SPG21: variants seen among roughly 807,000 people sequenced by gnomAD.
The protein encoded by SPG21 is maspardin.
SPG21 carries 26 observed loss-of-function variants against 38.9 expected under a neutral mutation model. That is an observed-to-expected ratio of 0.67 (90% CI 0.49 to 0.93). The LOEUF (loss-of-function observed/expected upper bound fraction) is 0.93. Among genes scored for constraint, SPG21 ranks in the 40% least tolerant of loss-of-function variants. SPG21 has a pLI of 0.00. For synonymous variants in SPG21, 136 were observed against 128.9 expected (o/e 1.05, Z -0.37); for missense variants, 333 against 376.5 (o/e 0.88, Z 0.96).
Position 64,969,311 on chromosome 15 carries a change from G to T in SPG21, c.613C>A (p.Gln205Lys). 1.2e-6 allele frequency: 2 copies of T among 1,614,092 alleles called. No individual in the cohort carries two copies. Among genetic ancestry groups the T allele is most frequent in the South Asian group, 1.1e-5 (1 of 91,076 alleles). Residue 205 changes from glutamine to lysine, a missense_variant, in exon 7 of 9, where the codon CAA becomes AAA. Transcript: ENST00000204566. ...TTATGAGGTTCCACATAAGAATTTT[G>T]ACAATTCAAGGTAAGTCTTGAAGCC... is the stretch of plus-strand genomic sequence containing the variant. ...ELASRLTLNC[Q>K]NSYVEPHKIR... is the part of the protein sequence containing the mutation.
intron 5 of SPG21, among the ~76,000 whole-genome samples, chr15:64,973,385 A>G (rs528512789): frequency 4.6e-5 from 7 of 152,304 alleles, no homozygotes; most frequent in Admixed American, 3.9e-4. Flanking sequence ...AAAATCAATG[A>G]AAGGATGGCT....
intron 1 of SPG21, chr15:64,989,168 C>G (rs183777540): frequency 6.6e-6 from 1 of 152,222 alleles, no homozygotes; most frequent in African/African-American, 2.4e-5. Flanking sequence ...CGTTTACAAA[C>G]CTTACACCTG....
intron 5 of SPG21, among the ~76,000 whole-genome samples, 156 bp downstream of exon 5, chr15:64,974,446 G>T (rs2085735395): frequency 6.6e-6 from 1 of 152,132 alleles, no homozygotes; most frequent in Non-Finnish European, 1.5e-5. Context: ...CTGCACTTCA[G>T]CCTGGGTGAC....
rs1270428899 is a variant in SPG21, at chr15:64,969,199, C to G, written c.669+56G>C. On this transcript the variant is annotated intron_variant, in intron 7 of 8. Transcript: ENST00000204566. ...GTTATCAAATAGTTTTATAGGAGAT[C>G]TTGACATACACATTTTAAAAAGTAA... 6.7e-6 allele frequency: 8 copies of G among 1,195,962 alleles called. No homozygotes were observed. The African/African-American group carries it at 1.2e-4, about 18-fold the overall frequency. The allele number at this position is 1,195,962 out of a possible 1,614,324, so 74.1% of individuals were successfully genotyped here. A position where few individuals can be genotyped will look rare whatever the true frequency, so the allele number is the denominator to read the frequency against.
At chr15:64,983,742 A>G in intron 1 of SPG21, 149 bp from the exon 2 acceptor site, 1 of 597,656 alleles carries the variant, frequency 1.7e-6, no homozygotes, top group Non-Finnish European at 3.0e-6. Context: ...CAACTACAGA[A>G]AACAATTTGG....
At chr15:64,969,189 T>C (rs2085609517) in intron 7 of SPG21, 66 bp downstream of exon 7, 2 of 1,123,090 alleles carry the variant, frequency 1.8e-6, no homozygotes, top group Non-Finnish European at 2.7e-6. Flanking sequence ...CAAATAGTTT[T>C]ATAGGAGATC....
chr15:64,963,802 G>T, intron 8 of SPG21, 66 bp from the exon 9 acceptor site: 1 of 1,452,454 alleles, frequency 6.9e-7, no homozygotes, highest in Non-Finnish European at 9.6e-7. Flanking sequence ...TGTTGCCCAG[G>T]CTGGAGTGCA....
rs1301360986 is a variant in SPG21, at chr15:64,974,511, A to T, written c.452+91T>A. 4.1e-6 allele frequency: 6 copies of T among 1,454,308 alleles called. No homozygotes were observed. In the East Asian group the frequency reaches 1.2e-4, roughly 28 times the overall value. The allele number at this position is 1,454,308 out of a possible 1,614,324, so 90.1% of individuals were successfully genotyped here. A position where few individuals can be genotyped will look rare whatever the true frequency, so the allele number is the denominator to read the frequency against. ...CAAGGAAGTTGCAGAATATAGAAGT[A>T]GATATAAGTCTTCCCTTCCTAATGT... On this transcript the variant is annotated intron_variant, in intron 5 of 8. Coordinates refer to ENST00000204566, the MANE Select transcript of SPG21 (RefSeq NM_016630.7).
At chr15:64,969,186 T>G in intron 7 of SPG21, 69 bp downstream of exon 7, 1 of 1,112,186 alleles carries the variant, frequency 9.0e-7, no homozygotes, top group Non-Finnish European at 1.4e-6. Context: ...TATCAAATAG[T>G]TTTATAGGAG....
intron 3 of SPG21, among the ~76,000 whole-genome samples, chr15:64,980,033 C>T (rs2085853128): frequency 6.6e-6 from 1 of 152,160 alleles, no homozygotes; most frequent in South Asian, 2.1e-4. Context: ...TAATGAATCT[C>T]ACCTCAAATA....
intron 8 of SPG21, among the ~76,000 whole-genome samples, chr15:64,964,962 A>G (rs551541244): frequency 3.5e-4 from 53 of 152,234 alleles, no homozygotes; most frequent in African/African-American, 1.2e-3. Context: ...AATTAGATCA[A>G]GAAGTCACTT....
chr15:64,984,678 G>A (rs1431538414), intron 1 of SPG21, among the ~76,000 whole-genome samples: 1 of 151,594 alleles, frequency 6.6e-6, no homozygotes, highest in Admixed American at 6.6e-5. Flanking sequence ...AGTTAAGCCT[G>A]CTTCCTGATA....
At position 64,980,875 on chromosome 15, in the gene SPG21, G is replaced by A. The variant is rs374355522; in HGVS notation, c.214C>T (p.Arg72Trp). ...QILALTGWGY[R>W]VIALQYPVYW... ...TCAGTAATACTTACAGCGATAACCC[G>A]GTAACCCCATCCAGTCAGAGCCAAA... is the stretch of plus-strand genomic sequence containing the variant. Residue 72 changes from arginine to tryptophan, a missense_variant, in exon 3 of 9, where the codon CGG becomes TGG. Arg to Trp is a moderately radical substitution (Grantham distance 101, BLOSUM62 -3). Coordinates refer to ENST00000204566, the MANE Select transcript of SPG21 (RefSeq NM_016630.7). 6.2e-6 allele frequency: 10 copies of A among 1,613,134 alleles called. No homozygotes were observed. Among genetic ancestry groups the A allele is most frequent in the African/African-American group, 2.7e-5 (2 of 74,634 alleles).
At position 64,970,221 on chromosome 15, in the gene SPG21, AG is replaced by A. The variant is rs759788327; in HGVS notation, c.453del (p.Trp153GlyfsTer2). The part of the protein sequence containing the change: ...SIFNQTWTAN[S>X]FWLMPAFMLK... ...AGCATAAATGCAGGCATCAGCCAAA[AG>A]CTGTAAAACACAAAGACCTTATAAT... On this transcript the variant is annotated frameshift_variant and splice_region_variant, in exon 6 of 9. Transcript: ENST00000204566. LOFTEE classifies it high-confidence loss of function. 2 of 1,613,274 alleles carry A rather than the reference AG, an allele frequency of 1.2e-6. No homozygotes were observed. Among genetic ancestry groups the A allele is most frequent in the Admixed American group, 3.3e-5 (2 of 60,006 alleles).
At chr15:64,977,134 C>T (rs1357187096) in intron 3 of SPG21, among the ~76,000 whole-genome samples, 1 of 149,712 alleles carries the variant, frequency 6.7e-6, no homozygotes, top group South Asian at 2.1e-4. Context: ...GGCGCGATCT[C>T]GACTCATGCC....
At chr15:64,971,539 C>CA (rs879467558) in intron 5 of SPG21, among the ~76,000 whole-genome samples, 287 of 142,776 alleles carry the variant, frequency 2.0e-3, no homozygotes, top group African/African-American at 6.4e-3. Flanking sequence ...ACTCCGTCTC[C>CA]AAAAAAAAAA....
chr15:64,974,386 G>A (rs892674027), intron 5 of SPG21, among the ~76,000 whole-genome samples: 1 of 152,000 alleles, frequency 6.6e-6, no homozygotes, highest in Non-Finnish European at 1.5e-5. Flanking sequence ...GAGGTAGGAG[G>A]ATCGCTTGAG....
chr15:64,965,698 G>A (rs185455467), intron 7 of SPG21, among the ~76,000 whole-genome samples: 1 of 151,854 alleles, frequency 6.6e-6, no homozygotes, highest in East Asian at 1.9e-4. Flanking sequence ...TTGCTGCACA[G>A]CATCTCCTGC....
At chr15:64,968,745 T>G (rs944292250) in intron 7 of SPG21, among the ~76,000 whole-genome samples, 3 of 152,186 alleles carry the variant, frequency 2.0e-5, no homozygotes, top group Admixed American at 6.5e-5. Flanking sequence ...AATTAAACTA[T>G]GGAATTCTTG....
Sources: gnomAD v4.1 joint callset for allele counts (sites outside exome capture counted in the v4.1 genomes callset) on GRCh38, gnomAD v4.1.1 for gene constraint, MANE v1.5 for transcripts, NCBI Gene and HGNC (gene_info 2026-07-23, HGNC 2026-07-21) for gene names.